The following MAP2K1 variants were observed in gnomAD, a reference collection of about 807,000 sequenced individuals.
MAP2K1 encodes mitogen-activated protein kinase kinase 1.
Under a neutral mutation model 46.3 loss-of-function variants are expected in MAP2K1, and 16 were observed. That is an observed-to-expected ratio of 0.35 (90% confidence interval 0.23 to 0.52). MAP2K1 has a LOEUF of 0.52. Ranked by LOEUF, MAP2K1 falls within the 20% of genes least tolerant of loss-of-function variation. MAP2K1 has a pLI of 0.94. For synonymous variants in MAP2K1, 183 were observed against 185.6 expected, an observed-to-expected ratio of 0.99 and a Z score of 0.11; for missense variants, 263 against 497.1, an observed-to-expected ratio of 0.53 and a Z score of 4.48.
chr15:66,402,082 A>G (rs74326592), intron 1 of MAP2K1: 1 of 959,510 alleles, frequency 1.0e-6, no homozygotes, highest in East Asian at 4.5e-5. Flanking sequence ...TTTATAAATG[A>G]TGTGGTTACT....
intron 1 of MAP2K1, among the ~76,000 whole-genome samples, chr15:66,424,194 A>T (rs2093451155): frequency 6.6e-6 from 1 of 151,448 alleles, no homozygotes; most frequent in Non-Finnish European, 1.5e-5. Flanking sequence ...AGTAGCTGAG[A>T]TTACAGGCAT....
At chr15:66,443,082 A>ATTTTTTTTTTTTTTTTTTTTTTTTTTT (rs398027713) in intron 3 of MAP2K1, among the ~76,000 whole-genome samples, 198 bp from the exon 4 acceptor site, 1 of 91,064 alleles carries the variant, frequency 1.1e-5, no homozygotes, top group African/African-American at 4.5e-5. Context: ...TTGTGTGTGT[A>ATTTTTTTTTTTTTTTTTTTTTTTTTTT]TTTTTTTTTT....
intron 5 of MAP2K1, among the ~76,000 whole-genome samples, chr15:66,458,153 A>G (rs541351116): frequency 1.4e-4 from 22 of 152,276 alleles, no homozygotes; most frequent in African/African-American, 4.3e-4. Context: ...CCAAGTAGGT[A>G]GTTGTGCTGT....
chr15:66,490,355 C>A lies in MAP2K1; in HGVS notation c.1069-147C>A, dbSNP rs1221279074. 9.4e-6 allele frequency: 7 copies of A among 744,448 alleles called. No individual in the cohort carries two copies. The Admixed American group carries it at 1.1e-4, about 12-fold the overall frequency. The allele number at this position is 744,448 out of a possible 1,614,324, so 46.1% of individuals were successfully genotyped here. On this transcript the variant is annotated intron_variant, in intron 10 of 10. Coordinates refer to ENST00000307102, the MANE Select transcript of MAP2K1 (RefSeq NM_002755.4). ...AGCAGGTCTTTGGGCCTGCAGCTGG[C>A]CCCACTGTTGCTCAGGGGCAGGTGC...
At chr15:66,428,704 C>G (rs1016477636) in intron 1 of MAP2K1, among the ~76,000 whole-genome samples, 2 of 151,794 alleles carry the variant, frequency 1.3e-5, no homozygotes, top group Non-Finnish European at 2.9e-5. Flanking sequence ...TTACTTCCCC[C>G]TGAAGGGTAA....
At chr15:66,439,151 T>C (rs1407328307) in intron 3 of MAP2K1, among the ~76,000 whole-genome samples, 1 of 152,168 alleles carries the variant, frequency 6.6e-6, no homozygotes, top group East Asian at 1.9e-4. Context: ...AAATTCTGAC[T>C]ATGGGCTGCT....
At chr15:66,404,115 T>G (rs558609257) in intron 1 of MAP2K1, among the ~76,000 whole-genome samples, 1 of 152,222 alleles carries the variant, frequency 6.6e-6, no homozygotes, top group African/African-American at 2.4e-5. Flanking sequence ...AAATGTATCC[T>G]GCTAATCAGG....
rs551065737 is a variant in MAP2K1 at position 66,462,496 on chromosome 15, C to CAAA, written c.568+17807_568+17809dup. Among the ~76,000 whole-genome samples the CAAA allele has an allele frequency of 1.6e-3, 119 of 72,758 alleles. 2 individuals carry two copies. The highest frequency in any genetic ancestry group is 3.8e-3 in the African/African-American group (80 of 20,950). 47.7% of individuals were successfully genotyped at this position (72,758 alleles called of 152,430 possible). On this transcript the variant is annotated intron_variant, in intron 5 of 10. Transcript: ENST00000307102. ...TGGGCGACAGAGCAAGACTCTGTCTCAAAAAAAAAAAAAAAAAAAAGATTG... is the reference window on the plus strand; with the variant it reads ...TGGGCGACAGAGCAAGACTCTGTCTCAAAAAAAAAAAAAAAAAAAAAAAGATTG...
chr15:66,455,198 T>C (rs897944176), intron 5 of MAP2K1, among the ~76,000 whole-genome samples: 4 of 152,190 alleles, frequency 2.6e-5, no homozygotes, highest in Admixed American at 1.3e-4. Context: ...CCTCTCCTGC[T>C]CAGTGTTGGG....
intron 5 of MAP2K1, among the ~76,000 whole-genome samples, chr15:66,457,888 A>C (rs992093013): frequency 1.3e-5 from 2 of 151,840 alleles, no homozygotes; most frequent in African/African-American, 4.8e-5. Context: ...ACTTGAACCC[A>C]GGAGGCAGAG....
chr15:66,444,773 T>G, intron 5 of MAP2K1, 66 bp downstream of exon 5: 3 of 1,268,850 alleles, frequency 2.4e-6, no homozygotes, highest in Non-Finnish European at 3.4e-6. Context: ...TGTTGCTTCC[T>G]CTTTTTTCTA....
chr15:66,391,300 G>A (rs1408081366), intron 1 of MAP2K1, among the ~76,000 whole-genome samples: 2 of 151,952 alleles, frequency 1.3e-5, no homozygotes, highest in African/African-American at 4.8e-5. Flanking sequence ...CTGCCTTTTT[G>A]TTTTTTGAGA....
At chr15:66,470,850 CTGA>C (rs1197917409) in intron 5 of MAP2K1, among the ~76,000 whole-genome samples, 1 of 152,104 alleles carries the variant, frequency 6.6e-6, no homozygotes, top group African/African-American at 2.4e-5. Flanking sequence ...TCAGGAGGTC[CTGA>C]TGATATGTGC....
intron 1 of MAP2K1, among the ~76,000 whole-genome samples, chr15:66,431,939 T>C (rs1439162899): frequency 6.6e-6 from 1 of 152,218 alleles, no homozygotes. Flanking sequence ...AGTGAGAACA[T>C]GCGGTATTTG....
chr15:66,489,669 T>C (rs371757832), intron 9 of MAP2K1, 49 bp from the exon 10 acceptor site: 18 of 1,437,004 alleles, frequency 1.3e-5, no homozygotes, highest in Admixed American at 5.0e-5. Context: ...TTATTTGAGC[T>C]AGAACCAGTG....
chr15:66,468,660 C>T (rs1004455906), intron 5 of MAP2K1, among the ~76,000 whole-genome samples: 10 of 152,078 alleles, frequency 6.6e-5, no homozygotes, highest in African/African-American at 7.2e-5. Context: ...TGGCTGGGCG[C>T]GGTGGCTCAC....
At chr15:66,414,696 G>A (rs914541921) in intron 1 of MAP2K1, among the ~76,000 whole-genome samples, 6 of 152,062 alleles carry the variant, frequency 3.9e-5, no homozygotes, top group Non-Finnish European at 8.8e-5. Flanking sequence ...ACTCACTGCA[G>A]GTTAGGCTGT....
chr15:66,449,366 G>GC (rs1352395142), intron 5 of MAP2K1, among the ~76,000 whole-genome samples: 36 of 152,150 alleles, frequency 2.4e-4, no homozygotes, highest in African/African-American at 7.7e-4. Context: ...GTACAAAAGA[G>GC]TACATACTGT....
intron 1 of MAP2K1, among the ~76,000 whole-genome samples, chr15:66,407,230 A>G (rs1232363171): frequency 1.3e-5 from 2 of 151,936 alleles, no homozygotes; most frequent in East Asian, 1.9e-4. Flanking sequence ...GAAGATGGCT[A>G]TTCCTCTCAG....
Sources: allele counts gnomAD v4.1 joint callset (sites outside exome capture counted in the v4.1 genomes callset), GRCh38; gene constraint gnomAD v4.1.1; transcripts MANE v1.5; gene names NCBI Gene and HGNC (gene_info 2026-07-23, HGNC 2026-07-21).